The following DSP variants were observed in gnomAD, a reference collection of about 807,000 sequenced individuals.
The protein encoded by DSP is desmoplakin.
Under a neutral mutation model 290.6 loss-of-function variants are expected in DSP, and 114 were observed. The ratio of observed to expected loss-of-function variants is 0.39; its 90% confidence interval spans 0.34 to 0.46. The LOEUF is 0.46. DSP is among the 20% of genes least tolerant of loss of function. DSP has a pLI of 0.99. For missense variants in DSP, 3,230 were observed against 3,495.8 expected (o/e 0.92, Z 1.92); for synonymous variants, 1,311 against 1,316.4 (o/e 1.00, Z 0.09).
In DSP at chr6:7,580,298, A is replaced by G; in HGVS notation, c.4108A>G (p.Ile1370Val). The G allele has an allele frequency of 6.2e-7, 1 of 1,613,918 alleles. No individual in the cohort carries two copies. Among genetic ancestry groups the G allele is most frequent in the Non-Finnish European group, 8.5e-7 (1 of 1,179,936 alleles). ...CTTAAAAAATCAGTTTGAGACCGAGATCAACATCACCAAGACCACCATCCA... is the reference window on the plus strand; with the variant it reads ...CTTAAAAAATCAGTTTGAGACCGAGGTCAACATCACCAAGACCACCATCCA... Reference protein sequence around the residue: ...ISLKNQFETEINITKTTIHQL... With the variant: ...ISLKNQFETEVNITKTTIHQL... The change falls in exon 23 of 24, where the codon ATC (isoleucine) becomes GTC (valine). Residue 1370 changes from isoleucine to valine, a missense_variant. Transcript: ENST00000379802. The surrounding 1 kb of genome is among the most constrained non-coding windows in gnomAD (Gnocchi z 4.2).
intron 1 of DSP, among the ~76,000 whole-genome samples, chr6:7,549,720 A>T (rs1758277231): frequency 6.6e-6 from 1 of 152,126 alleles, no homozygotes; most frequent in Admixed American, 6.5e-5. Flanking sequence ...TGGCATATGT[A>T]CAAGAGCCTG....
At position 7,577,851 on chromosome 6, in the gene DSP, A is replaced by G. The variant is rs868110541; in HGVS notation, c.2950A>G (p.Met984Val). The change falls in exon 21 of 24, where the codon ATG (methionine) becomes GTG (valine). Residue 984 changes from methionine to valine, a missense_variant. Coordinates refer to ENST00000379802, the MANE Select transcript of DSP (RefSeq NM_004415.4). ...GCTGAACATACCTATCAAGAGGACC[A>G]TGATTCAGTCCCCTTCTGGGGTGAT... ...TLLNIPIKRT[M>V]IQSPSGVILQ... is the part of the protein sequence containing the mutation. The G allele has an allele frequency of 6.2e-7, 1 of 1,614,198 alleles. No homozygotes were observed. Among genetic ancestry groups the G allele is most frequent in the African/African-American group, 1.3e-5 (1 of 75,058 alleles).
Position 7,581,186 on chromosome 6 carries a change from C to T in DSP, c.4996C>T (p.Arg1666Trp), listed in dbSNP as rs758312365. ...RLSSEVEALR[R>W]QLLQEQESVK... ...CTCTTCTGAGGTCGAGGCCCTGAGG[C>T]GGCAGTTACTCCAGGAACAGGAAAG... is the stretch of plus-strand genomic sequence containing the variant. The change falls in exon 23 of 24, where the codon CGG becomes TGG. Residue 1666 changes from arginine (R) to tryptophan (W), a missense_variant. Physicochemically the swap from Arg to Trp is moderately radical, Grantham distance 101 (BLOSUM62 -3). Coordinates refer to ENST00000379802, the MANE Select transcript of DSP (RefSeq NM_004415.4). The T allele has an allele frequency of 3.3e-5, 53 of 1,614,014 alleles. No homozygotes were observed. The highest frequency in any genetic ancestry group is 4.4e-5 in the South Asian group (4 of 91,090).
At position 7,584,577 on chromosome 6, in the gene DSP, A is replaced by G; in HGVS notation, c.7315A>G (p.Thr2439Ala). The G allele has an allele frequency of 6.2e-7, 1 of 1,614,116 alleles. No individual in the cohort carries two copies. Among genetic ancestry groups the G allele is most frequent in the Non-Finnish European group, 8.5e-7 (1 of 1,179,980 alleles). The change falls in exon 24 of 24, where the codon ACA becomes GCA. Residue 2439 changes from threonine to alanine, a missense_variant. By Grantham distance (58) the Thr-to-Ala change is moderately conservative. Around this residue, in one of 5 missense-constraint regions of DSP, gnomAD observed 582 missense variants for 555.4 expected, o/e 1.05. Transcript: ENST00000379802. This position sits in a 1 kb window ranked among gnomAD's most constrained non-coding sequence, Gnocchi z 6.4. ...AGAAAGATGCATTAAGGATGAGGAA[A>G]CAGGGCTCTGTCTTCTGCCTCTGAA... ...LKERCIKDEE[T>A]GLCLLPLKEK... is the part of the protein sequence containing the mutation.
In DSP at chr6:7,586,122, A is replaced by G; in HGVS notation, c.*244A>G. 2.3e-6 allele frequency: 1 copy of G among 439,216 alleles called. No individual in the cohort carries two copies. The highest frequency in any genetic ancestry group is 4.0e-6 in the Non-Finnish European group (1 of 248,802). The allele number at this position is 439,216 out of a possible 1,614,324, so 27.2% of individuals were successfully genotyped here. On this transcript the variant is annotated 3_prime_UTR_variant, in exon 24 of 24. Transcript: ENST00000379802. ...TCTGAAGTGCTAATCAGTTGTAACA[A>G]TAGCACAAATCGAACTTAGGATTTG...
chr6:7,583,016 G>A lies in DSP; in HGVS notation c.5754G>A (p.Glu1918=). The change falls in exon 24 of 24, where the codon GAG becomes GAA. Residue 1918 remains glutamate (E), a synonymous_variant. Coordinates refer to ENST00000379802, the MANE Select transcript of DSP (RefSeq NM_004415.4). This position sits in a 1 kb window ranked among gnomAD's most constrained non-coding sequence, Gnocchi z 4.0. ...RIEERCRRKL[E]DSTRETQSQL... is the part of the protein sequence containing the mutation. The stretch of plus-strand genomic sequence containing the variant: ...AAGAGAGGTGCAGGCGTAAGCTGGA[G>A]GATTCTACCAGGGAGACACAGTCAC... 3.1e-6 allele frequency: 5 copies of A among 1,614,078 alleles called. No homozygotes were observed. Among genetic ancestry groups the A allele is most frequent in the East Asian group, 2.2e-5 (1 of 44,872 alleles).
intron 23 of DSP, among the ~76,000 whole-genome samples, chr6:7,581,850 G>A (rs1035421871): frequency 2.6e-5 from 4 of 152,072 alleles, no homozygotes; most frequent in African/African-American, 9.7e-5. Flanking sequence ...AACTTCCTCC[G>A]AATGTTCCAT....
intron 5 of DSP, 54 bp downstream of exon 5, chr6:7,562,834 G>A: frequency 6.2e-7 from 1 of 1,610,436 alleles, no homozygotes. Flanking sequence ...GAAGGATCGT[G>A]TAATTACTCA....
At position 7,569,367 on chromosome 6, in the gene DSP, C is replaced by T. The variant is rs201406626; in HGVS notation, c.1574+27C>T. The stretch of plus-strand genomic sequence containing the variant: ...TAAGTCATCCAAGTTCCCAAAGCCA[C>T]GCATGCACGCATGAATGTGAGGGCA... On this transcript the variant is annotated intron_variant, in intron 12 of 23. Coordinates refer to ENST00000379802, the MANE Select transcript of DSP (RefSeq NM_004415.4). 216 of 1,614,124 alleles carry T rather than the reference C, an allele frequency of 1.3e-4. 1 individual carries two copies. In the East Asian group the frequency reaches 4.2e-3, roughly 32 times the overall value.
chr6:7,546,232 G>A (rs151238709), intron 1 of DSP, among the ~76,000 whole-genome samples: 67 of 152,338 alleles, frequency 4.4e-4, no homozygotes, highest in Non-Finnish European at 6.5e-4. Flanking sequence ...AATTGGATGC[G>A]AGAGACAAGG....
chr6:7,569,308 T>A lies in DSP; in HGVS notation c.1542T>A (p.Pro514=), dbSNP rs1554106920. 1 of 1,614,004 alleles carries A rather than the reference T, an allele frequency of 6.2e-7. No homozygotes were observed. Among genetic ancestry groups the A allele is most frequent in the Non-Finnish European group, 8.5e-7 (1 of 1,179,938 alleles). Residue 514 remains proline, a synonymous_variant, in exon 12 of 24, where the codon CCT becomes CCA. Transcript: ENST00000379802. ...CCTCTGTGGGGCTGATCATCCCTCC[T>A]CCGAACCCACTGGCCGTGGACCTCT... The part of the protein sequence containing the change: ...LVPSVGLIIP[P]PNPLAVDLSC...
intron 18 of DSP, 91 bp downstream of exon 18, chr6:7,575,579 CAG>C (rs1435752085): frequency 6.6e-7 from 1 of 1,520,814 alleles, no homozygotes; most frequent in East Asian, 2.3e-5. Flanking sequence ...CTGAAGAAAA[CAG>C]AGGTTTTGTT....
At position 7,571,424 on chromosome 6, in the gene DSP, C is replaced by A. The variant is rs139095230; in HGVS notation, c.1743C>A (p.Ala581=). Residue 581 remains alanine, a synonymous_variant, in exon 14 of 24, where the codon GCC becomes GCA. Transcript: ENST00000379802. ...AGGAAGATTACATGAAGACGATAGC[C>A]GACCTTGAGTTACATTACCAAGAGT... ...MRQEDYMKTI[A]DLELHYQEFI... The A allele has an allele frequency of 8.1e-6, 13 of 1,614,006 alleles. No homozygotes were observed. Among genetic ancestry groups the A allele is most frequent in the Non-Finnish European group, 1.0e-5 (12 of 1,180,050 alleles).
chr6:7,561,780 A>G (rs1219598057), intron 4 of DSP, among the ~76,000 whole-genome samples: 5 of 152,170 alleles, frequency 3.3e-5, no homozygotes, highest in Admixed American at 2.0e-4. Context: ...GCTTAGAACA[A>G]TGTGTTTTAT....
intron 7 of DSP, 54 bp from the exon 8 acceptor site, chr6:7,566,323 A>G (rs1758862536): frequency 3.5e-6 from 5 of 1,413,332 alleles, no homozygotes; most frequent in Non-Finnish European, 5.0e-6. Context: ...TGTGGGGGTG[A>G]TGGAAGTTTA....
intron 1 of DSP, among the ~76,000 whole-genome samples, chr6:7,548,790 T>C (rs1393034020): frequency 6.6e-6 from 1 of 152,220 alleles, no homozygotes; most frequent in African/African-American, 2.4e-5. Context: ...TGCTCTCTGG[T>C]TGAGCTTTTG....
Position 7,565,562 on chromosome 6 carries a change from T to C in DSP, c.939+42T>C. On this transcript the variant is annotated intron_variant, in intron 7 of 23. Transcript: ENST00000379802. This position sits in a 1 kb window ranked among gnomAD's most constrained non-coding sequence, Gnocchi z 4.2. ...CGGCTGTAGATGCTTGTCTTGAGCC[T>C]GTTGCCTTGAAGAGCTGGGGTCTCG... 1 of 1,612,532 alleles carries C rather than the reference T, an allele frequency of 6.2e-7. No homozygotes were observed. Among genetic ancestry groups the C allele is most frequent in the Non-Finnish European group, 8.5e-7 (1 of 1,178,806 alleles).
chr6:7,555,059 G>A (rs2113652817), intron 1 of DSP, among the ~76,000 whole-genome samples: 1 of 152,316 alleles, frequency 6.6e-6, no homozygotes, highest in Middle Eastern at 3.4e-3. Context: ...AGGTCTTCCT[G>A]CAGAGGGACT....
intron 1 of DSP, among the ~76,000 whole-genome samples, chr6:7,552,071 TAATC>T (rs1050445603): frequency 7.2e-5 from 11 of 152,358 alleles, no homozygotes; most frequent in African/African-American, 2.6e-4. Context: ...GAAATTTCGT[TAATC>T]AGATCACACT....
Sources: gnomAD v4.1 joint callset for allele counts (sites outside exome capture counted in the v4.1 genomes callset) on GRCh38, gnomAD v4.1.1 for gene constraint, gnomAD v4.1.1 regional missense constraint, Gnocchi (gnomAD v3.1) non-coding constraint, MANE v1.5 for transcripts, NCBI Gene and HGNC (gene_info 2026-07-23, HGNC 2026-07-21) for gene names.